Variants in DYNC2I2 observed in about 807,000 individuals in gnomAD.
DYNC2I2 encodes the protein cytoplasmic dynein 2 intermediate chain 2.
A neutral mutation model predicts 52.0 loss-of-function variants in DYNC2I2; 39 were observed. That is an observed-to-expected ratio of 0.75 (90% CI 0.58 to 0.98). DYNC2I2 has a LOEUF of 0.98. Ranked by LOEUF, DYNC2I2 falls within the 50% of genes least tolerant of loss-of-function variation. The pLI is 0.00. For synonymous variants in DYNC2I2, 359 were observed against 321.1 expected, an observed-to-expected ratio of 1.12 and a Z score of -1.26; for missense variants, 743 against 728.4, an observed-to-expected ratio of 1.02 and a Z score of -0.23.
the DYNC2I2 span, among the ~76,000 whole-genome samples, chr9:128,671,630 G>A: frequency 2.0e-5 from 3 of 151,388 alleles, no homozygotes; most frequent in Admixed American, 6.6e-5. Context: ...GTGCCACCAC[G>A]TCCAGCTAAT....
upstream of DYNC2I2, chr9:128,656,859 C>A: frequency 1.1e-6 from 1 of 922,250 alleles, no homozygotes; most frequent in Non-Finnish European, 1.5e-6. Context: ...CCTGCAAGAC[C>A]TGGAAGAAAG....
At chr9:128,661,053 T>C (rs1015459306), upstream of DYNC2I2, among the ~76,000 whole-genome samples, 1 of 151,876 alleles carries the variant, frequency 6.6e-6, no homozygotes, top group African/African-American at 2.4e-5. Context: ...ATGAGGTTGT[T>C]GTGTTGAGCC....
Position 128,635,079 on chromosome 9 carries a change from G to A in DYNC2I2, c.981+13C>T. On this transcript the variant is annotated intron_variant, in intron 6 of 8. Coordinates refer to ENST00000372715, the MANE Select transcript of DYNC2I2 (RefSeq NM_052844.4). ...CCGGCGCAGGCCAGGGCAGTTTCCG[G>A]GTGCCCACGTACCTTCTTGAGCTTG... 1.2e-6 allele frequency: 2 copies of A among 1,603,764 alleles called. No individual in the cohort carries two copies. The highest frequency in any genetic ancestry group is 2.2e-5 in the South Asian group (2 of 90,250).
upstream of DYNC2I2, among the ~76,000 whole-genome samples, chr9:128,660,023 C>T (rs1470517312): frequency 4.7e-5 from 7 of 149,326 alleles, no homozygotes; most frequent in African/African-American, 1.2e-4. Context: ...GCCATGATTG[C>T]GCCACTGTCT....
At chr9:128,644,312 C>T (rs1165281229) in intron 1 of DYNC2I2, among the ~76,000 whole-genome samples, 1 of 148,340 alleles carries the variant, frequency 6.7e-6, no homozygotes, top group Non-Finnish European at 1.5e-5. Flanking sequence ...ACTCTGTTGC[C>T]CAGGCTGGAG....
chr9:128,675,561 AT>A, the DYNC2I2 span, among the ~76,000 whole-genome samples: 1 of 152,110 alleles, frequency 6.6e-6, no homozygotes, highest in African/African-American at 2.4e-5. Flanking sequence ...GGATGGGAGG[AT>A]TCAAAAGGGT....
chr9:128,652,822 G>A (rs1860743139), intron 1 of DYNC2I2, among the ~76,000 whole-genome samples: 1 of 150,734 alleles, frequency 6.6e-6, no homozygotes, highest in Non-Finnish European at 1.5e-5. Flanking sequence ...AGGAGCTGAG[G>A]CAGGAGAATC....
chr9:128,635,599 G>A, intron 5 of DYNC2I2, 59 bp downstream of exon 5: 9 of 1,468,202 alleles, frequency 6.1e-6, no homozygotes, highest in Non-Finnish European at 7.5e-6. Flanking sequence ...TAGGAGAGTG[G>A]GCGCCCTCTC....
chr9:128,644,639 G>A (rs765358454), intron 1 of DYNC2I2, among the ~76,000 whole-genome samples: 2 of 152,106 alleles, frequency 1.3e-5, no homozygotes, highest in Non-Finnish European at 1.5e-5. Flanking sequence ...CAGCCACGGT[G>A]CCCTCCCGAA....
the DYNC2I2 span, chr9:128,683,740 C>T: frequency 3.4e-6 from 2 of 583,460 alleles, no homozygotes; most frequent in East Asian, 3.1e-5. Context: ...GGGAGGGGGC[C>T]GGGGTGTGTG....
the DYNC2I2 span, among the ~76,000 whole-genome samples, chr9:128,672,292 A>G: frequency 6.6e-6 from 1 of 151,832 alleles, no homozygotes; most frequent in Non-Finnish European, 1.5e-5. Flanking sequence ...TTTAGTAGAG[A>G]CAGGGTTTCA....
chr9:128,634,881 G>C lies in DYNC2I2; in HGVS notation c.1022C>G (p.Ala341Gly), dbSNP rs587777091. The C allele has an allele frequency of 6.2e-7, 1 of 1,613,262 alleles. No homozygotes were observed. Among genetic ancestry groups the C allele is most frequent in the Non-Finnish European group, 8.5e-7 (1 of 1,179,932 alleles). ...CAGCCTAGGGTCAAAGCTGGAGAAG[G>C]CCACTGCCGTGGCGCCCACCTCGGT... The part of the protein sequence containing the change: ...GETEVGATAV[A>G]FSSFDPRLFI... Residue 341 changes from alanine to glycine, a missense_variant, in exon 7 of 9, where the codon GCC (alanine) becomes GGC (glycine). Coordinates refer to ENST00000372715, the MANE Select transcript of DYNC2I2 (RefSeq NM_052844.4).
upstream of DYNC2I2, among the ~76,000 whole-genome samples, chr9:128,659,944 T>C (rs1860898825): frequency 6.6e-6 from 1 of 150,942 alleles, no homozygotes; most frequent in Non-Finnish European, 1.5e-5. Context: ...GTGGCATGCA[T>C]CTATGGCCCA....
the DYNC2I2 span, among the ~76,000 whole-genome samples, chr9:128,679,668 A>G: frequency 3.4e-5 from 5 of 144,938 alleles, no homozygotes; most frequent in African/African-American, 1.3e-4. Context: ...TTTTTTTGAG[A>G]TGGAGTCTTG....
intron 1 of DYNC2I2, among the ~76,000 whole-genome samples, chr9:128,644,503 T>C (rs1287831344): frequency 1.3e-5 from 2 of 152,224 alleles, no homozygotes; most frequent in East Asian, 3.9e-4. Context: ...TGTCTCCAAC[T>C]CCTGGGCTCA....
At chr9:128,665,391 A>C in the DYNC2I2 span, among the ~76,000 whole-genome samples, 3 of 152,108 alleles carry the variant, frequency 2.0e-5, no homozygotes, top group African/African-American at 7.2e-5. Flanking sequence ...GAGATGGGTC[A>C]TGTTAGTCTC....
At chr9:128,652,396 A>C (rs6478844) in intron 1 of DYNC2I2, among the ~76,000 whole-genome samples, 124,868 of 144,890 alleles carry the variant, frequency 0.86, 54,960 homozygotes, top group Non-Finnish European at 0.95. Flanking sequence ...CATGCCATTA[A>C]ACTCCAGCCT....
chr9:128,676,161 C>T, the DYNC2I2 span, among the ~76,000 whole-genome samples: 1 of 151,986 alleles, frequency 6.6e-6, no homozygotes, highest in Non-Finnish European at 1.5e-5. Context: ...AACCAAGACC[C>T]TGTCTCAATT....
the DYNC2I2 span, among the ~76,000 whole-genome samples, chr9:128,665,789 A>T: frequency 6.7e-6 from 1 of 148,620 alleles, no homozygotes; most frequent in Non-Finnish European, 1.5e-5. Context: ...AAAAAAAAAA[A>T]AAGTCGGGCC....
Sources: allele counts gnomAD v4.1 joint callset (sites outside exome capture counted in the v4.1 genomes callset), GRCh38; gene constraint gnomAD v4.1.1; transcripts MANE v1.5; gene names NCBI Gene and HGNC (gene_info 2026-07-23, HGNC 2026-07-21).